TLL2: variants seen among roughly 807,000 people sequenced by gnomAD.
TLL2 encodes the protein tolloid-like protein 2.
In TLL2, 106 loss-of-function variants were observed where a neutral mutation model predicts 123.0. That is an observed-to-expected ratio of 0.86 (90% confidence interval 0.74 to 1.01). TLL2 has a LOEUF of 1.01. Ranked by LOEUF, TLL2 falls within the 50% of genes least tolerant of loss-of-function variation. The pLI, the probability that TLL2 is intolerant of heterozygous loss-of-function variation, is 0.00. For synonymous variants in TLL2, 494 were observed against 516.8 expected, an observed-to-expected ratio of 0.96 and a Z score of 0.60; for missense variants, 1,332 against 1,336.7, an observed-to-expected ratio of 1.00 and a Z score of 0.06.
intron 2 of TLL2, 122 bp from the exon 3 acceptor site, chr10:96,446,290 T>G: frequency 2.2e-6 from 2 of 891,406 alleles, no homozygotes; most frequent in Non-Finnish European, 3.5e-6. Context: ...ATTCGTAAGC[T>G]TCGTTCCACA....
intron 2 of TLL2, among the ~76,000 whole-genome samples, chr10:96,457,392 G>A (rs1176578794): frequency 6.6e-6 from 1 of 152,246 alleles, no homozygotes; most frequent in African/African-American, 2.4e-5. Flanking sequence ...GACTTCAGCA[G>A]GGTGTTCAGA....
At chr10:96,374,545 GCA>G (rs1846117162) in intron 18 of TLL2, 2 of 152,262 alleles carry the variant, frequency 1.3e-5, no homozygotes, top group Non-Finnish European at 2.9e-5. Context: ...GCATTTATGC[GCA>G]TTTTCTCTCT....
At chr10:96,431,689 T>C (rs937440583) in intron 4 of TLL2, among the ~76,000 whole-genome samples, 3 of 152,128 alleles carry the variant, frequency 2.0e-5, no homozygotes, top group East Asian at 3.8e-4. Flanking sequence ...CCACAGAGCT[T>C]AGACAGAGAC....
rs12256936 is a variant in TLL2, at chr10:96,388,930, C to T, written c.1727-1852G>A. On this transcript the variant is annotated intron_variant, in intron 13 of 20. Coordinates refer to ENST00000357947, the MANE Select transcript of TLL2 (RefSeq NM_012465.4). ...ATTAATTGCTTATTAGGGGAGATTGCGTTTAGAGAGACAATCCAGGCAGGG... is the reference window on the plus strand; with the variant it reads ...ATTAATTGCTTATTAGGGGAGATTGTGTTTAGAGAGACAATCCAGGCAGGG... Among the ~76,000 whole-genome samples, 469 of 152,248 alleles carry T rather than the reference C, an allele frequency of 3.1e-3. 3 individuals carry two copies. The highest frequency in any genetic ancestry group is 0.011 in the African/African-American group (437 of 41,534).
At chr10:96,441,779 A>G (rs991670077) in intron 3 of TLL2, among the ~76,000 whole-genome samples, 2 of 152,184 alleles carry the variant, frequency 1.3e-5, no homozygotes, top group African/African-American at 4.8e-5. Flanking sequence ...CATTTGAGAC[A>G]GGCTAAAAAG....
chr10:96,377,244 G>A (rs1205224598), intron 17 of TLL2, among the ~76,000 whole-genome samples: 1 of 152,218 alleles, frequency 6.6e-6, no homozygotes, highest in Non-Finnish European at 1.5e-5. Flanking sequence ...ATGAGATAAT[G>A]CATGGGAAAG....
chr10:96,503,765 A>G (rs1003551963), intron 1 of TLL2, among the ~76,000 whole-genome samples: 2 of 152,224 alleles, frequency 1.3e-5, no homozygotes, highest in African/African-American at 4.8e-5. Flanking sequence ...AGGACAGAGT[A>G]CTTGGAAAGC....
At chr10:96,494,552 A>G (rs11188795) in intron 1 of TLL2, among the ~76,000 whole-genome samples, 82,157 of 152,102 alleles carry the variant, frequency 0.54, 22,443 homozygotes, top group East Asian at 0.69. Flanking sequence ...CCTGATTTTC[A>G]TTTCTACACT....
chr10:96,379,182 TGGG>T, intron 16 of TLL2, 90 bp from the exon 17 acceptor site: 1 of 1,509,464 alleles, frequency 6.6e-7, no homozygotes, highest in African/African-American at 1.4e-5. Flanking sequence ...TGGCCTCCTC[TGGG>T]AAGCCTCTCT....
intron 1 of TLL2, among the ~76,000 whole-genome samples, chr10:96,481,160 T>A (rs12414679): frequency 0.53 from 80,700 of 151,114 alleles, 21,850 homozygotes; most frequent in Middle Eastern, 0.69. Context: ...TTTTTTTTTT[T>A]AAGAGAGACA....
At chr10:96,386,908 G>C in intron 14 of TLL2, 45 bp downstream of exon 14, 1 of 1,606,324 alleles carries the variant, frequency 6.2e-7, no homozygotes, top group Non-Finnish European at 8.5e-7. Context: ...CCAAAGACTT[G>C]TCCCATATAC....
intron 3 of TLL2, among the ~76,000 whole-genome samples, chr10:96,445,141 A>C (rs1455697672): frequency 6.6e-6 from 1 of 152,204 alleles, no homozygotes; most frequent in African/African-American, 2.4e-5. Context: ...GTGAGCTGAG[A>C]TCGCACCACT....
intron 2 of TLL2, among the ~76,000 whole-genome samples, chr10:96,476,248 T>TTTTTTTTTTTTTTTTTTTGTTG (rs1285354320): frequency 2.9e-5 from 2 of 69,230 alleles, no homozygotes; most frequent in African/African-American, 6.2e-5. Context: ...ATATTTTATT[T>TTTTTTTTTTTTTTTTTTTGTTG]TTGTTGTTGT....
intron 9 of TLL2, among the ~76,000 whole-genome samples, chr10:96,409,340 T>C (rs1054362395): frequency 5.9e-5 from 9 of 152,184 alleles, no homozygotes; most frequent in African/African-American, 2.2e-4. Context: ...CCGTGAGACA[T>C]GCTATAACAG....
chr10:96,443,956 C>A (rs1360280518), intron 3 of TLL2, among the ~76,000 whole-genome samples: 1 of 152,224 alleles, frequency 6.6e-6, no homozygotes, highest in Non-Finnish European at 1.5e-5. Flanking sequence ...ATCTGCCTCT[C>A]TCTAAAAGAA....
chr10:96,479,023 G>C (rs1191742497), intron 2 of TLL2, among the ~76,000 whole-genome samples: 1 of 152,180 alleles, frequency 6.6e-6, no homozygotes, highest in Admixed American at 6.5e-5. Flanking sequence ...CTCCAGGTAA[G>C]AGCTGGGGAG....
chr10:96,429,710 T>A (rs1846718410), intron 4 of TLL2, among the ~76,000 whole-genome samples: 1 of 152,230 alleles, frequency 6.6e-6, no homozygotes. Flanking sequence ...CCCATGCACT[T>A]TAAAATTTCT....
rs1846591566 is a variant in TLL2, at chr10:96,418,778, A to G, written c.923+2178T>C. Among the ~76,000 whole-genome samples the G allele has an allele frequency of 2.0e-5, 3 of 148,218 alleles. No homozygotes were observed. The South Asian group carries it at 6.2e-4, about 31-fold the overall frequency. On this transcript the variant is annotated intron_variant, in intron 7 of 20. Transcript: ENST00000357947. ...TAATAATTATTAATAGCTAAATTAAATGAATATTGATTTCATTTGAATATA... is the reference window on the plus strand; with the variant it reads ...TAATAATTATTAATAGCTAAATTAAGTGAATATTGATTTCATTTGAATATA...
intron 16 of TLL2, among the ~76,000 whole-genome samples, chr10:96,379,436 T>C (rs1846166549): frequency 6.6e-6 from 1 of 152,238 alleles, no homozygotes; most frequent in South Asian, 2.1e-4. Context: ...GTGTTTACTA[T>C]GCAACAGGCA....
Sources: allele counts gnomAD v4.1 joint callset (sites outside exome capture counted in the v4.1 genomes callset), GRCh38; gene constraint gnomAD v4.1.1; transcripts MANE v1.5; gene names NCBI Gene and HGNC (gene_info 2026-07-23, HGNC 2026-07-21).